Variants in NFIL3 observed in about 807,000 individuals in gnomAD.
NFIL3 encodes the protein nuclear factor, interleukin 3 regulated.
NFIL3 carries 5 observed loss-of-function variants against 10.0 expected under a neutral mutation model. The ratio of observed to expected loss-of-function variants is 0.50; its 90% CI spans 0.26 to 1.06. The LOEUF is 1.06. Ranked by LOEUF, NFIL3 falls within the 50% of genes least tolerant of loss-of-function variation. The pLI, the probability that NFIL3 is intolerant of heterozygous loss-of-function variation, is 0.13. For missense variants in NFIL3, 436 were observed against 547.6 expected, an observed-to-expected ratio of 0.80 and a Z score of 2.03; for synonymous variants, 202 against 206.5, an observed-to-expected ratio of 0.98 and a Z score of 0.19.
At chr9:91,455,481 G>A in the NFIL3 span, among the ~76,000 whole-genome samples, 1 of 151,708 alleles carries the variant, frequency 6.6e-6, no homozygotes, top group African/African-American at 2.4e-5. Flanking sequence ...TGTATTTTGT[G>A]GCCTAAATTG....
the NFIL3 span, among the ~76,000 whole-genome samples, chr9:91,479,578 G>A: frequency 2.1e-4 from 32 of 152,346 alleles, no homozygotes; most frequent in African/African-American, 7.2e-4. Flanking sequence ...TTAGCTTGCT[G>A]GGCTCTGTGG....
chr9:91,453,032 C>G, the NFIL3 span, among the ~76,000 whole-genome samples: 1 of 152,024 alleles, frequency 6.6e-6, no homozygotes, highest in African/African-American at 2.4e-5. Context: ...GCTTGTACAA[C>G]AGAAATTTAC....
At chr9:91,456,820 G>A in the NFIL3 span, among the ~76,000 whole-genome samples, 2 of 151,938 alleles carry the variant, frequency 1.3e-5, no homozygotes, top group Non-Finnish European at 2.9e-5. Context: ...GTATTTTATA[G>A]TTTAGGTTTT....
Position 91,410,676 on chromosome 9 carries a change from C to T in NFIL3, c.59G>A (p.Ser20Asn). Residue 20 changes from serine to asparagine, a missense_variant, in exon 2 of 2, where the codon AGC becomes AAC. By Grantham distance (46) the Ser-to-Asn change is conservative. This residue lies in a region of NFIL3 where 76 missense variants were observed against 73.0 expected (regional missense o/e 1.04). Transcript: ENST00000297689. This position sits in a 1 kb window ranked among gnomAD's most constrained non-coding sequence, Gnocchi z 5.7. ...KKEQASLDAS[S>N]NVDKMMVLNS... ...AAGGACCATCATCTTGTCCACATTG[C>T]TACTGGCATCAAGAGACGCCTGCTC... 6.2e-7 allele frequency: 1 copy of T among 1,612,420 alleles called. No homozygotes were observed. Among genetic ancestry groups the T allele is most frequent in the Non-Finnish European group, 8.5e-7 (1 of 1,179,566 alleles).
At chr9:91,436,591 A>G in the NFIL3 span, among the ~76,000 whole-genome samples, 1 of 145,670 alleles carries the variant, frequency 6.9e-6, no homozygotes, top group Non-Finnish European at 1.5e-5. Flanking sequence ...AACAACAACA[A>G]CAACAACAAC....
chr9:91,446,836 A>G, the NFIL3 span, among the ~76,000 whole-genome samples: 1 of 138,494 alleles, frequency 7.2e-6, no homozygotes, highest in African/African-American at 2.8e-5. Context: ...CTCTCTTTCA[A>G]TGGAGTTTTG....
Position 91,409,788 on chromosome 9 carries a change from G to A in NFIL3, c.947C>T (p.Pro316Leu). ...KHVHATVVKV[P>L]EVNSSALPHK... is the part of the protein sequence containing the mutation. ...TGGCAAGGCAGAGGAATTCACTTCT[G>A]GAACTTTAACCACAGTTGCATGCAC... Residue 316 changes from proline (P) to leucine (L), a missense_variant, in exon 2 of 2, where the codon CCA becomes CTA. Physicochemically the swap from Pro to Leu is moderately conservative, Grantham distance 98. Transcript: ENST00000297689. The A allele has an allele frequency of 6.2e-7, 1 of 1,614,186 alleles. No individual in the cohort carries two copies. The highest frequency in any genetic ancestry group is 8.5e-7 in the Non-Finnish European group (1 of 1,180,048).
chr9:91,464,393 C>A, the NFIL3 span, among the ~76,000 whole-genome samples: 1 of 152,004 alleles, frequency 6.6e-6, no homozygotes, highest in East Asian at 1.9e-4. Flanking sequence ...TAACACTATA[C>A]TACTTCATGG....
In NFIL3 at chr9:91,410,879, T is replaced by C. The variant is rs765756714; in HGVS notation, c.-145A>G. ...TGGGATAAATCCGTCAGGCTCCTTA[T>C]TGAATGAAGTTGGGCCTCCTTCGTT... On this transcript the variant is annotated 5_prime_UTR_variant, in exon 2 of 2. Transcript: ENST00000297689. The surrounding 1 kb of genome is among the most constrained non-coding windows in gnomAD (Gnocchi z 5.7). 1.2e-5 allele frequency: 10 copies of C among 808,498 alleles called. No individual in the cohort carries two copies. The highest frequency in any genetic ancestry group is 3.5e-5 in the African/African-American group (2 of 57,504). The allele number at this position is 808,498 out of a possible 1,614,324, so 50.1% of individuals were successfully genotyped here.
chr9:91,450,046 A>T, the NFIL3 span, among the ~76,000 whole-genome samples: 1 of 152,026 alleles, frequency 6.6e-6, no homozygotes, highest in African/African-American at 2.4e-5. Context: ...GTCAATAGTA[A>T]TGTCTTCACT....
the NFIL3 span, among the ~76,000 whole-genome samples, chr9:91,432,393 C>G: frequency 1.3e-5 from 2 of 152,200 alleles, no homozygotes; most frequent in Non-Finnish European, 2.9e-5. Context: ...AATTGTACCT[C>G]CCAAGAAAGG....
chr9:91,420,352 TACACAC>T (rs144270881), intron 1 of NFIL3, among the ~76,000 whole-genome samples: 14,939 of 144,436 alleles, frequency 0.1, 782 homozygotes, highest in Admixed American at 0.15. Context: ...TGAAGGTAAA[TACACAC>T]ACACACACAC....
At chr9:91,478,553 C>T in the NFIL3 span, among the ~76,000 whole-genome samples, 18 of 151,944 alleles carry the variant, frequency 1.2e-4, no homozygotes, top group Non-Finnish European at 2.5e-4. Context: ...AACCTTTTTT[C>T]AAGGTTCTTA....
At chr9:91,423,359 T>G (rs1833807577) in intron 1 of NFIL3, among the ~76,000 whole-genome samples, 1 of 152,136 alleles carries the variant, frequency 6.6e-6, no homozygotes. Flanking sequence ...GGAGACATTA[T>G]GCAACAGCAG....
At chr9:91,412,541 C>T (rs1417505842) in intron 1 of NFIL3, among the ~76,000 whole-genome samples, 1 of 152,030 alleles carries the variant, frequency 6.6e-6, no homozygotes, top group Non-Finnish European at 1.5e-5. Flanking sequence ...CTTTATTCTA[C>T]CCTACTAAAA....
chr9:91,451,720 T>C, the NFIL3 span, among the ~76,000 whole-genome samples: 68,528 of 152,022 alleles, frequency 0.45, 19,316 homozygotes, highest in African/African-American at 0.79. Context: ...GGTTCTTGTC[T>C]TGTAACACAA....
the NFIL3 span, among the ~76,000 whole-genome samples, chr9:91,431,648 C>A: frequency 6.6e-6 from 1 of 152,154 alleles, no homozygotes. Flanking sequence ...AACAGTTTAA[C>A]CACAGTGGAA....
chr9:91,412,523 C>A (rs1201850361), intron 1 of NFIL3, among the ~76,000 whole-genome samples: 1 of 152,112 alleles, frequency 6.6e-6, no homozygotes, highest in East Asian at 1.9e-4. Context: ...GATCTGCACA[C>A]AGTGGCACTT....
At chr9:91,477,212 TGTG>T in the NFIL3 span, among the ~76,000 whole-genome samples, 1 of 152,176 alleles carries the variant, frequency 6.6e-6, no homozygotes, top group Non-Finnish European at 1.5e-5. Context: ...TCTTGGGTGT[TGTG>T]GTCACAGTTC....
Sources: gnomAD v4.1 joint callset for allele counts (sites outside exome capture counted in the v4.1 genomes callset) on GRCh38, gnomAD v4.1.1 for gene constraint, gnomAD v4.1.1 regional missense constraint, Gnocchi (gnomAD v3.1) non-coding constraint, MANE v1.5 for transcripts, NCBI Gene and HGNC (gene_info 2026-07-23, HGNC 2026-07-21) for gene names.